The following SUSD1 variants were observed in gnomAD, a reference collection of about 807,000 sequenced individuals.
The protein encoded by SUSD1 is sushi domain containing 1.
In SUSD1, 65 loss-of-function variants were observed where a neutral mutation model predicts 86.9. The ratio of observed to expected loss-of-function variants is 0.75; its 90% CI spans 0.61 to 0.92. SUSD1 has a LOEUF of 0.92. Ranked by LOEUF, SUSD1 falls within the 40% of genes least tolerant of loss-of-function variation. The probability of loss-of-function intolerance (pLI) is 0.00; values close to 1 mark genes in which losing one functional copy is unlikely to be tolerated. For missense variants in SUSD1, 850 were observed against 929.7 expected (o/e 0.91, Z 1.11); for synonymous variants, 346 against 350.0 (o/e 0.99, Z 0.13).
At chr9:112,112,693 G>T in intron 7 of SUSD1, 78 bp downstream of exon 7, 1 of 927,418 alleles carries the variant, frequency 1.1e-6, no homozygotes, top group Non-Finnish European at 1.7e-6. Context: ...AAGCTCTCAC[G>T]GAAGCAAGTC....
chr9:112,106,030 C>T (rs942791358), intron 8 of SUSD1, among the ~76,000 whole-genome samples: 4 of 152,118 alleles, frequency 2.6e-5, no homozygotes, highest in Non-Finnish European at 5.9e-5. Flanking sequence ...CGCTCTGTTG[C>T]GCAGGCTGGA....
At chr9:112,148,193 C>G (rs1472111571) in intron 3 of SUSD1, among the ~76,000 whole-genome samples, 10 of 152,212 alleles carry the variant, frequency 6.6e-5, no homozygotes, top group Non-Finnish European at 2.9e-5. Flanking sequence ...CATCTTAGAA[C>G]CAGGAGGCTT....
intron 1 of SUSD1, among the ~76,000 whole-genome samples, chr9:112,169,575 C>T (rs375513140): frequency 1.7e-4 from 26 of 152,204 alleles, no homozygotes; most frequent in East Asian, 5.8e-4. Context: ...CATTCATTTA[C>T]GCCACACCCT....
At chr9:112,119,008 G>A (rs1831444357) in intron 6 of SUSD1, among the ~76,000 whole-genome samples, 1 of 152,188 alleles carries the variant, frequency 6.6e-6, no homozygotes, top group South Asian at 2.1e-4. Context: ...GGAAGACACT[G>A]ATGTAGGAGA....
intron 12 of SUSD1, among the ~76,000 whole-genome samples, chr9:112,076,025 A>C (rs1047619110): frequency 6.6e-6 from 1 of 152,194 alleles, no homozygotes; most frequent in Admixed American, 6.5e-5. Flanking sequence ...GGGGAGATGA[A>C]TTAGAAGTAG....
chr9:112,171,260 CT>C (rs1406733569), intron 1 of SUSD1, among the ~76,000 whole-genome samples: 1 of 152,196 alleles, frequency 6.6e-6, no homozygotes, highest in Non-Finnish European at 1.5e-5. Flanking sequence ...AACCCCCTTC[CT>C]TTTTCTACTG....
At chr9:112,115,787 C>T (rs77665455) in intron 6 of SUSD1, among the ~76,000 whole-genome samples, 14,138 of 113,876 alleles carry the variant, frequency 0.12, 922 homozygotes, top group Middle Eastern at 0.23. Flanking sequence ...GCAGCCTGGG[C>T]GGCAGAATGA....
rs943417519 is a variant in SUSD1 at position 112,131,017 on chromosome 9, CCAAAAACA to C, written c.707-6589_707-6582del. Among the ~76,000 whole-genome samples, 17 of 151,744 alleles carry C rather than the reference CCAAAAACA, an allele frequency of 1.1e-4. 1 individual carries two copies. The highest frequency in any genetic ancestry group is 3.4e-4 in the African/African-American group (14 of 41,266). On this transcript the variant is annotated intron_variant, in intron 5 of 16. Coordinates refer to ENST00000374270, the MANE Select transcript of SUSD1 (RefSeq NM_022486.5). ...CAACCTAAGTGACAGAGACCCTGTC[CCAAAAACA>C]CAAAAACAAAAAACAAAAAAAGAAA...
At chr9:112,085,211 A>C (rs1360290157) in intron 10 of SUSD1, among the ~76,000 whole-genome samples, 1 of 152,258 alleles carries the variant, frequency 6.6e-6, no homozygotes, top group Non-Finnish European at 1.5e-5. Flanking sequence ...AAGTACTCTG[A>C]GTAAGACATG....
chr9:112,106,394 T>G (rs1830841583), intron 8 of SUSD1, among the ~76,000 whole-genome samples: 3 of 152,164 alleles, frequency 2.0e-5, no homozygotes, highest in Admixed American at 2.0e-4. Flanking sequence ...CCAAGAATTT[T>G]ATCTTCAATT....
rs3983405 is a variant in SUSD1 at position 112,170,692 on chromosome 9, CAT to C, written c.103+4439_103+4440del. On this transcript the variant is annotated intron_variant, in intron 1 of 16. Coordinates refer to ENST00000374270, the MANE Select transcript of SUSD1 (RefSeq NM_022486.5). ...ATATACAAATGGACAATGGCCAGAT[CAT>C]ATATATATATATATATAGAGAGAGA... is the stretch of plus-strand genomic sequence containing the variant. 2.2e-3 allele frequency among the ~76,000 whole-genome samples: 266 copies of C among 120,012 alleles called. 2 individuals are homozygous for C. The highest frequency in any genetic ancestry group is 6.3e-3 in the African/African-American group (183 of 28,834). The allele number at this position is 120,012 out of a possible 152,430, so 78.7% of individuals were successfully genotyped here.
chr9:112,063,488 T>C (rs1828824397), intron 12 of SUSD1, among the ~76,000 whole-genome samples: 1 of 152,256 alleles, frequency 6.6e-6, no homozygotes, highest in South Asian at 2.1e-4. Flanking sequence ...GAGTATATCA[T>C]GGCACTGGCA....
chr9:112,060,300 T>C (rs1828660284), intron 13 of SUSD1, among the ~76,000 whole-genome samples: 2 of 152,192 alleles, frequency 1.3e-5, no homozygotes, highest in African/African-American at 4.8e-5. Flanking sequence ...CTTGCTCTGC[T>C]GCCCAGGCTG....
intron 10 of SUSD1, among the ~76,000 whole-genome samples, chr9:112,091,521 T>C (rs906308944): frequency 6.6e-6 from 1 of 152,232 alleles, no homozygotes; most frequent in Non-Finnish European, 1.5e-5. Flanking sequence ...TTTGGGAATA[T>C]CTAAATGCAT....
chr9:112,064,564 G>T, intron 12 of SUSD1, among the ~76,000 whole-genome samples: 1 of 152,186 alleles, frequency 6.6e-6, no homozygotes, highest in East Asian at 1.9e-4. Context: ...GGCGTGGGAG[G>T]AAGTTCAAGA....
At chr9:112,091,380 TATGC>T (rs1286665055) in intron 10 of SUSD1, among the ~76,000 whole-genome samples, 3 of 152,310 alleles carry the variant, frequency 2.0e-5, no homozygotes, top group Non-Finnish European at 4.4e-5. Flanking sequence ...GATCTCAAAT[TATGC>T]ATGCTGTTCA....
intron 6 of SUSD1, among the ~76,000 whole-genome samples, chr9:112,120,858 G>A (rs1359480178): frequency 6.6e-6 from 1 of 152,228 alleles, no homozygotes; most frequent in Non-Finnish European, 1.5e-5. Context: ...TGGAGGCAGA[G>A]CAGCTTGAGC....
At chr9:112,168,719 T>C (rs896805844) in intron 1 of SUSD1, among the ~76,000 whole-genome samples, 32 of 152,260 alleles carry the variant, frequency 2.1e-4, no homozygotes, top group Non-Finnish European at 4.0e-4. Context: ...TTTTGGGAGA[T>C]TGAGATGGGA....
intron 9 of SUSD1, among the ~76,000 whole-genome samples, chr9:112,101,495 T>C (rs796260999): frequency 6.6e-6 from 1 of 152,208 alleles, no homozygotes; most frequent in East Asian, 1.9e-4. Flanking sequence ...TTACTGATGA[T>C]GTTTAAGAAA....
Sources: gnomAD v4.1 joint callset for allele counts (sites outside exome capture counted in the v4.1 genomes callset) on GRCh38, gnomAD v4.1.1 for gene constraint, MANE v1.5 for transcripts, NCBI Gene and HGNC (gene_info 2026-07-23, HGNC 2026-07-21) for gene names.